Variants in GLB1L3 observed in about 807,000 individuals in gnomAD.
The protein encoded by GLB1L3 is beta-galactosidase-1-like protein 3.
A neutral mutation model predicts 89.5 loss-of-function variants in GLB1L3; 89 were observed. The observed-to-expected ratio is 0.99, with a 90% CI of 0.84 to 1.19. The LOEUF (loss-of-function observed/expected upper bound fraction) is 1.19. Among genes scored for constraint, GLB1L3 ranks in the 50% most tolerant of loss-of-function variants. The pLI, the probability that GLB1L3 is intolerant of heterozygous loss-of-function variation, is 0.00. For synonymous variants in GLB1L3, 314 were observed against 312.3 expected (o/e 1.01, Z -0.06); for missense variants, 812 against 813.3 (o/e 1.00, Z 0.02).
intron 18 of GLB1L3, among the ~76,000 whole-genome samples, chr11:134,316,247 A>G (rs1175788248): frequency 1.3e-5 from 2 of 151,026 alleles, no homozygotes; most frequent in Non-Finnish European, 3.0e-5. Flanking sequence ...AATTTATTGT[A>G]TTTATTTTCA....
rs775329364 is a variant in GLB1L3 at position 134,288,776 on chromosome 11, C to T, written c.637-22C>T. On this transcript the variant is annotated intron_variant, in intron 6 of 19. Transcript: ENST00000431683. ...TGCCCCAAATAGCCTCACTCTTTAA[C>T]CCTCCTATGCTTGTTTCTCAGTACC... is the stretch of plus-strand genomic sequence containing the variant. The T allele has an allele frequency of 3.8e-6, 6 of 1,590,818 alleles. No homozygotes were observed. The African/African-American group carries it at 5.4e-5, about 14-fold the overall frequency.
chr11:134,286,812 T>C (rs1029007198), intron 6 of GLB1L3, among the ~76,000 whole-genome samples: 1 of 136,260 alleles, frequency 7.3e-6, no homozygotes, highest in African/African-American at 2.6e-5. Context: ...GAAATAGACA[T>C]GCATTAAAAT....
chr11:134,310,841 C>T, intron 12 of GLB1L3, 190 bp downstream of exon 12: 1 of 620,126 alleles, frequency 1.6e-6, no homozygotes, highest in East Asian at 2.7e-5. Context: ...GGTTTCTAAG[C>T]ATTTTATAAG....
intron 9 of GLB1L3, among the ~76,000 whole-genome samples, chr11:134,306,090 G>C (rs960725097): frequency 6.6e-6 from 1 of 152,118 alleles, no homozygotes; most frequent in Non-Finnish European, 1.5e-5. Flanking sequence ...TATATGTCCA[G>C]ATGAAAAGTG....
chr11:134,306,465 T>C (rs1395465464), intron 9 of GLB1L3, among the ~76,000 whole-genome samples: 1 of 152,168 alleles, frequency 6.6e-6, no homozygotes, highest in Admixed American at 6.5e-5. Context: ...AACATCATAA[T>C]CCAAATCCAG....
chr11:134,287,678 G>A (rs1941097436), intron 6 of GLB1L3, among the ~76,000 whole-genome samples: 1 of 152,236 alleles, frequency 6.6e-6, no homozygotes, highest in South Asian at 2.1e-4. Flanking sequence ...GGGCCTGTGT[G>A]GTCACTGCTG....
chr11:134,308,497 A>ATC (rs1565414065), intron 10 of GLB1L3, among the ~76,000 whole-genome samples: 1 of 6,362 alleles, frequency 1.6e-4, no homozygotes, highest in Non-Finnish European at 3.3e-4. Context: ...CATCACCACC[A>ATC]AATACCACCA....
In GLB1L3 at chr11:134,277,467, A is replaced by G. The variant is rs758696157; in HGVS notation, c.149+16A>G. On this transcript the variant is annotated intron_variant, in intron 2 of 19. Coordinates refer to ENST00000431683, the MANE Select transcript of GLB1L3 (RefSeq NM_001080407.3). The stretch of plus-strand genomic sequence containing the variant: ...CCCAGCCTAGGTTTGCTTGAGAGCT[A>G]CATCCCTGGGGAGGGAGGGGAGCGA... The G allele has an allele frequency of 6.2e-7, 1 of 1,609,216 alleles. No homozygotes were observed. Among genetic ancestry groups the G allele is most frequent in the Non-Finnish European group, 8.5e-7 (1 of 1,177,154 alleles).
intron 10 of GLB1L3, among the ~76,000 whole-genome samples, chr11:134,308,191 CACCATCACCACT>C (rs1942312720): frequency 9.4e-6 from 1 of 106,188 alleles, no homozygotes; most frequent in Admixed American, 8.9e-5. Flanking sequence ...TCACCATCAT[CACCATCACCACT>C]ACCACCACCA....
intron 7 of GLB1L3, 97 bp from the exon 8 acceptor site, chr11:134,292,035 A>G: frequency 1.3e-6 from 1 of 780,248 alleles, no homozygotes; most frequent in Non-Finnish European, 2.1e-6. Context: ...TGCAGAATGC[A>G]TGGATGCAGA....
At chr11:134,293,687 A>G (rs2136151755) in intron 9 of GLB1L3, among the ~76,000 whole-genome samples, 1 of 151,902 alleles carries the variant, frequency 6.6e-6, no homozygotes, top group South Asian at 2.1e-4. Flanking sequence ...AGAGAAGGAC[A>G]AGCCACAGCC....
downstream of GLB1L3, among the ~76,000 whole-genome samples, chr11:134,322,219 G>C (rs1943177045): frequency 6.6e-6 from 1 of 152,108 alleles, no homozygotes; most frequent in Non-Finnish European, 1.5e-5. Context: ...TAGGTATAGA[G>C]GGTTACCCAT....
At chr11:134,305,577 A>G (rs780999248) in intron 9 of GLB1L3, among the ~76,000 whole-genome samples, 9 of 152,214 alleles carry the variant, frequency 5.9e-5, no homozygotes, top group Non-Finnish European at 8.8e-5. Flanking sequence ...TTTTAACACC[A>G]GAAGTCAGTC....
At chr11:134,314,130 A>G (rs1019164757) in intron 17 of GLB1L3, 102 bp downstream of exon 17, 7 of 858,662 alleles carry the variant, frequency 8.2e-6, no homozygotes, top group Middle Eastern at 2.9e-4. Context: ...AGACTGAGTG[A>G]TGTACTCCAG....
rs1340520784 is a variant in GLB1L3 at position 134,314,395 on chromosome 11, C to T, written c.1733C>T (p.Thr578Ile). 1 of 1,551,694 alleles carries T rather than the reference C, an allele frequency of 6.4e-7. No individual in the cohort carries two copies. The highest frequency in any genetic ancestry group is 1.2e-5 in the South Asian group (1 of 84,046). Residue 578 changes from threonine to isoleucine, a missense_variant, in exon 18 of 20, where the codon ACC becomes ATC. By Grantham distance (89) the Thr-to-Ile change is moderately conservative (BLOSUM62 -1). Transcript: ENST00000431683. Reference sequence around the variant, plus strand: ...CAGGGCCCGGCCTTCTACTGTGGGACCTTGAAGGCTGGCCCTTCTCCCAAG... The same window carrying T: ...CAGGGCCCGGCCTTCTACTGTGGGATCTTGAAGGCTGGCCCTTCTCCCAAG... Reference protein sequence around the residue: ...SHQGPAFYCGTLKAGPSPKDT... With the variant: ...SHQGPAFYCGILKAGPSPKDT...
intron 10 of GLB1L3, among the ~76,000 whole-genome samples, 199 bp from the exon 11 acceptor site, chr11:134,309,427 A>G (rs7924934): frequency 0.11 from 17,185 of 152,070 alleles, 1,083 homozygotes; most frequent in Admixed American, 0.2. Flanking sequence ...TTGTTTCATT[A>G]TAAAATTGAG....
At chr11:134,287,217 C>T (rs1422941671) in intron 6 of GLB1L3, 2 of 152,200 alleles carry the variant, frequency 1.3e-5, no homozygotes, top group African/African-American at 2.4e-5. Context: ...TTACCAGAAG[C>T]ACAAATGCCG....
chr11:134,318,460 T>C (rs1440219921), intron 18 of GLB1L3, among the ~76,000 whole-genome samples, 171 bp from the exon 19 acceptor site: 2 of 152,222 alleles, frequency 1.3e-5, no homozygotes, highest in Non-Finnish European at 2.9e-5. Flanking sequence ...TATGCTTTTC[T>C]CTTTCATTCC....
At chr11:134,283,934 G>A in intron 6 of GLB1L3, 89 bp downstream of exon 6, 1 of 749,810 alleles carries the variant, frequency 1.3e-6, no homozygotes, top group Non-Finnish European at 2.3e-6. Context: ...GCCACATGCA[G>A]TCTCCATGAA....
Sources: allele counts gnomAD v4.1 joint callset (sites outside exome capture counted in the v4.1 genomes callset), GRCh38; gene constraint gnomAD v4.1.1; transcripts MANE v1.5; gene names NCBI Gene and HGNC (gene_info 2026-07-23, HGNC 2026-07-21).